The following OTOA variants were observed in gnomAD, a reference collection of about 807,000 sequenced individuals.
The protein encoded by OTOA is cancer/testis antigen 108.
In OTOA, 70 loss-of-function variants were observed where a neutral mutation model predicts 110.8. That is an observed-to-expected ratio of 0.63 (90% CI 0.52 to 0.77). The LOEUF (loss-of-function observed/expected upper bound fraction) is 0.77, where lower values mean the gene tolerates loss of function less well. OTOA is among the 30% of genes least tolerant of loss of function. OTOA has a pLI of 0.00. For synonymous variants in OTOA, 373 were observed against 431.5 expected (o/e 0.86, Z 1.68); for missense variants, 917 against 1,075.8 (o/e 0.85, Z 2.06).
At chr16:21,686,572 T>A (rs1424125843) in intron 7 of OTOA, among the ~76,000 whole-genome samples, 2 of 152,062 alleles carry the variant, frequency 1.3e-5, no homozygotes, top group East Asian at 3.9e-4. Context: ...GGGTTATAGA[T>A]GTGAGCCACT....
In OTOA at chr16:21,760,618, G is replaced by A; in HGVS notation, c.*78G>A. On this transcript the variant is annotated 3_prime_UTR_variant, in exon 29 of 29. Coordinates refer to ENST00000646100, the MANE Select transcript of OTOA (RefSeq NM_144672.4). ...AGAGACAGGATGCTCCAGATGGTGG[G>A]ACACCCTTCCCTGGATCCAGACCCT... 7.7e-7 allele frequency: 1 copy of A among 1,294,826 alleles called. No homozygotes were observed. Among genetic ancestry groups the A allele is most frequent in the Non-Finnish European group, 1.1e-6 (1 of 912,066 alleles). The allele number at this position is 1,294,826 out of a possible 1,614,324, so 80.2% of individuals were successfully genotyped here.
Position 21,676,363 on chromosome 16 carries a change from T to C in OTOA, c.-4-2148T>C, listed in dbSNP as rs114396123. Among the ~76,000 whole-genome samples the C allele has an allele frequency of 4.7e-3, 721 of 152,276 alleles. 6 individuals carry two copies. The highest frequency in any genetic ancestry group is 0.016 in the African/African-American group (676 of 41,564). The stretch of plus-strand genomic sequence containing the variant: ...CTTTAAATATTGTTGGGTTTTGTTC[T>C]GGAATGCAATTCAGTTACTTGGAAT... On this transcript the variant is annotated intron_variant, in intron 1 of 28. Transcript: ENST00000646100.
At position 21,678,915 on chromosome 16, in the gene OTOA, A is replaced by T. The variant is rs766274586; in HGVS notation, c.92A>T (p.Asp31Val). Residue 31 changes from aspartate (D) to valine (V), a missense_variant and splice_region_variant, in exon 3 of 29, where the codon GAT becomes GTT. Around this residue, in one of 6 missense-constraint regions of OTOA, gnomAD observed 840 missense variants for 910.2 expected, o/e 0.92. Transcript: ENST00000646100. ...TATACATTCAATGGCTTTCTTACAG[A>T]TTTGCATCCATTGTTGCAAAACATG... ...SSYTVPNSRQ[D>V]LHPLLQNMAE... 6.0e-5 allele frequency: 97 copies of T among 1,613,094 alleles called. No homozygotes were observed. The highest frequency in any genetic ancestry group is 1.6e-4 in the Middle Eastern group (1 of 6,074).
intron 18 of OTOA, 23 bp downstream of exon 18, chr16:21,723,001 C>A: frequency 1.9e-6 from 3 of 1,611,124 alleles, no homozygotes; most frequent in Non-Finnish European, 2.5e-6. Context: ...CAGCCCCCAC[C>A]TTCTGGCTCA....
Position 21,736,446 on chromosome 16 carries a change from C to T in OTOA, c.2431+56C>T. On this transcript the variant is annotated intron_variant, in intron 22 of 28. Transcript: ENST00000646100. ...CTGACATAGTAATTAATGTTTTGGG[C>T]AGGGTCCCTGACATCAAGAGGCCTC... 1.9e-6 allele frequency: 3 copies of T among 1,609,750 alleles called. No homozygotes were observed. The Admixed American group carries it at 5.0e-5, about 27-fold the overall frequency.
chr16:21,734,807 G>C (rs541223971), intron 21 of OTOA, among the ~76,000 whole-genome samples: 12 of 151,802 alleles, frequency 7.9e-5, no homozygotes, highest in South Asian at 2.1e-4. Context: ...CTGCACTCCA[G>C]CCTGGGTGAT....
At chr16:21,751,469 C>T (rs1228585021) in intron 24 of OTOA, among the ~76,000 whole-genome samples, 40 of 62,698 alleles carry the variant, frequency 6.4e-4, no homozygotes, top group African/African-American at 1.6e-3. Flanking sequence ...GAGGTTGCAG[C>T]GAGCTGTGCC....
At chr16:21,691,711 G>A (rs778179657) in intron 9 of OTOA, 24 bp downstream of exon 9, 1 of 1,585,586 alleles carries the variant, frequency 6.3e-7, no homozygotes, top group East Asian at 2.2e-5. Flanking sequence ...TGGAGGTGGG[G>A]TCACTTTTTG....
chr16:21,724,040 A>G (rs966602537), intron 18 of OTOA, among the ~76,000 whole-genome samples: 1 of 152,092 alleles, frequency 6.6e-6, no homozygotes, highest in Non-Finnish European at 1.5e-5. Flanking sequence ...AGTGAGGGAG[A>G]TGGTTCTCCA....
At chr16:21,691,501 G>A in intron 8 of OTOA, 83 bp from the exon 9 acceptor site, 1 of 1,146,854 alleles carries the variant, frequency 8.7e-7, no homozygotes, top group Non-Finnish European at 1.3e-6. Flanking sequence ...ACAGCTTTGG[G>A]TCACATTTGC....
intron 6 of OTOA, chr16:21,684,653 C>T (rs905050288): frequency 1.1e-5 from 10 of 900,676 alleles, no homozygotes; most frequent in Admixed American, 4.6e-5. Context: ...AGGGGATGTG[C>T]GCCCGGTGTT....
chr16:21,716,355 A>T (rs1332058539), intron 14 of OTOA, among the ~76,000 whole-genome samples: 1 of 151,880 alleles, frequency 6.6e-6, no homozygotes, highest in Non-Finnish European at 1.5e-5. Flanking sequence ...GCGGATCATG[A>T]GGTTAGGAGA....
chr16:21,752,962 A>C, intron 26 of OTOA, 65 bp from the exon 27 acceptor site: 1 of 1,169,664 alleles, frequency 8.5e-7, no homozygotes, highest in Non-Finnish European at 1.3e-6. Flanking sequence ...ATGCAGCACC[A>C]TTAATAAAAC....
chr16:21,726,596 G>A lies in OTOA; in HGVS notation c.1954G>A (p.Asp652Asn), dbSNP rs1362025927. Residue 652 changes from aspartate to asparagine, a missense_variant, in exon 19 of 29, where the codon GAC becomes AAC. By Grantham distance (23) the Asp-to-Asn change is conservative. Transcript: ENST00000646100. ...GATCAGCCTGGGGAAGAGCTGGTTG[G>A]ACTCCTTGGTTTTAGATTCCCACAA... The part of the protein sequence containing the change: ...FLISLGKSWL[D>N]SLVLDSHKKT... 6 of 1,613,882 alleles carry A rather than the reference G, an allele frequency of 3.7e-6. No individual in the cohort carries two copies. Among genetic ancestry groups the A allele is most frequent in the Non-Finnish European group, 4.2e-6 (5 of 1,180,004 alleles).
intron 12 of OTOA, among the ~76,000 whole-genome samples, chr16:21,706,093 A>C (rs1898161668): frequency 7.1e-6 from 1 of 141,670 alleles, no homozygotes; most frequent in Non-Finnish European, 1.6e-5. Flanking sequence ...TATCTAAAAA[A>C]AAGAACAGAA....
intron 12 of OTOA, among the ~76,000 whole-genome samples, chr16:21,709,064 T>C (rs745875208): frequency 1.5e-4 from 23 of 152,184 alleles, no homozygotes; most frequent in Non-Finnish European, 2.5e-4. Flanking sequence ...TGGAAGCATA[T>C]ACACCCAATT....
chr16:21,716,870 T>C (rs371523610), intron 14 of OTOA, 37 bp from the exon 15 acceptor site: 18 of 1,612,830 alleles, frequency 1.1e-5, no homozygotes, highest in Non-Finnish European at 1.0e-5. Flanking sequence ...CAATGCATTT[T>C]TTACAATGTT....
chr16:21,691,447 T>A, intron 8 of OTOA, 137 bp from the exon 9 acceptor site: 2 of 721,130 alleles, frequency 2.8e-6, no homozygotes, highest in Non-Finnish European at 5.0e-6. Flanking sequence ...GTAAAAGCGT[T>A]TCTATTTCTC....
At chr16:21,718,345 C>T (rs1476188771) in intron 15 of OTOA, among the ~76,000 whole-genome samples, 4 of 152,076 alleles carry the variant, frequency 2.6e-5, no homozygotes, top group Non-Finnish European at 5.9e-5. Flanking sequence ...ATTGCTGTTT[C>T]CTGAGATGGG....
Sources: allele counts gnomAD v4.1 joint callset (sites outside exome capture counted in the v4.1 genomes callset), GRCh38; gene constraint gnomAD v4.1.1; regional missense constraint gnomAD v4.1.1; transcripts MANE v1.5; gene names NCBI Gene and HGNC (gene_info 2026-07-23, HGNC 2026-07-21).